The following ERICH1 variants were observed in gnomAD, a reference collection of about 807,000 sequenced individuals.
ERICH1 encodes the protein glutamate rich 1, also known as glutamate-rich protein 1.
Under a neutral mutation model 39.6 loss-of-function variants are expected in ERICH1, and 56 were observed. The observed-to-expected ratio is 1.41, with a 90% CI of 1.14 to 1.77. The LOEUF (loss-of-function observed/expected upper bound fraction) is 1.77, where lower values mean the gene tolerates loss of function less well. ERICH1 is among the 40% of genes most tolerant of loss of function. The pLI, the probability that ERICH1 is intolerant of heterozygous loss-of-function variation, is 0.00. For synonymous variants in ERICH1, 313 were observed against 223.6 expected (o/e 1.40, Z -3.57); for missense variants, 826 against 575.4 (o/e 1.44, Z -4.45).
At chr8:618,592 G>A (rs1302706377) in intron 3 of ERICH1, among the ~76,000 whole-genome samples, 1 of 152,168 alleles carries the variant, frequency 6.6e-6, no homozygotes, top group Non-Finnish European at 1.5e-5. Context: ...GAGACCTTGG[G>A]CAACATTACC....
At chr8:692,341 G>A (rs1201030340) in intron 3 of ERICH1, 137 bp downstream of exon 3, 1 of 1,255,578 alleles carries the variant, frequency 8.0e-7, no homozygotes, top group African/African-American at 1.5e-5. Context: ...ACACCATGTG[G>A]TTCATTATAC....
At chr8:726,926 C>T (rs1323541613) in intron 1 of ERICH1, among the ~76,000 whole-genome samples, 1 of 149,488 alleles carries the variant, frequency 6.7e-6, no homozygotes, top group Admixed American at 6.6e-5. Context: ...AGACCACATG[C>T]AAAACACACA....
In ERICH1 at chr8:731,171, T is replaced by C. The variant is rs760136283; in HGVS notation, c.-10A>G. ...TCCTGTGCGCCGCCATGCGGGACCC[T>C]GCCGCGGACCTCAGACCACGGCGCG... is the stretch of plus-strand genomic sequence containing the variant. On this transcript the variant is annotated 5_prime_UTR_variant, in exon 1 of 6. Coordinates refer to ENST00000262109, the MANE Select transcript of ERICH1 (RefSeq NM_207332.3). 139 of 1,506,194 alleles carry C rather than the reference T, an allele frequency of 9.2e-5. No homozygotes were observed. Among genetic ancestry groups the C allele is most frequent in the Non-Finnish European group, 1.1e-4 (126 of 1,129,612 alleles). The allele number at this position is 1,506,194 out of a possible 1,614,324, so 93.3% of individuals were successfully genotyped here.
At chr8:654,728 T>C (rs1294652748) in intron 3 of ERICH1, among the ~76,000 whole-genome samples, 1 of 152,128 alleles carries the variant, frequency 6.6e-6, no homozygotes, top group African/African-American at 2.4e-5. Flanking sequence ...GCCATGGAGA[T>C]GTCCCCACAA....
intron 3 of ERICH1, among the ~76,000 whole-genome samples, chr8:616,960 C>G (rs1037965514): frequency 1.0e-4 from 1 of 9,944 alleles, no homozygotes; most frequent in Non-Finnish European, 1.4e-4. Context: ...GAGACAGAGA[C>G]ACACAGAGAG....
At chr8:691,981 T>C (rs1442501203) in intron 3 of ERICH1, among the ~76,000 whole-genome samples, 1 of 152,226 alleles carries the variant, frequency 6.6e-6, no homozygotes, top group East Asian at 1.9e-4. Context: ...AAGAGAATAT[T>C]GTATATTCTT....
chr8:719,271 G>A (rs149064837), intron 1 of ERICH1, among the ~76,000 whole-genome samples: 5 of 152,298 alleles, frequency 3.3e-5, no homozygotes, highest in East Asian at 3.9e-4. Flanking sequence ...ACCAGGCTCC[G>A]ATCCTGCCCC....
At chr8:724,648 T>C (rs767784049) in intron 1 of ERICH1, among the ~76,000 whole-genome samples, 3 of 152,140 alleles carry the variant, frequency 2.0e-5, no homozygotes, top group Non-Finnish European at 4.4e-5. Flanking sequence ...TTTATGAAAA[T>C]CAGGAGACAC....
chr8:720,785 G>C (rs994090424), intron 1 of ERICH1, among the ~76,000 whole-genome samples: 3 of 152,150 alleles, frequency 2.0e-5, no homozygotes, highest in African/African-American at 7.2e-5. Context: ...ATGTTGCATG[G>C]GTGTTCTAGA....
intron 3 of ERICH1, among the ~76,000 whole-genome samples, chr8:651,687 G>A (rs1246607091): frequency 7.1e-6 from 1 of 140,248 alleles, no homozygotes; most frequent in Non-Finnish European, 1.6e-5. Context: ...TGGGGGAGAA[G>A]ACTGAGGGGA....
At chr8:710,840 A>G (rs1814567558) in intron 2 of ERICH1, among the ~76,000 whole-genome samples, 1 of 152,216 alleles carries the variant, frequency 6.6e-6, no homozygotes, top group Non-Finnish European at 1.5e-5. Context: ...ATAAACATCC[A>G]TGTGCAGGTT....
intron 1 of ERICH1, among the ~76,000 whole-genome samples, chr8:717,281 G>T (rs1251031379): frequency 2.8e-4 from 42 of 152,172 alleles, no homozygotes; most frequent in Non-Finnish European, 2.9e-5. Flanking sequence ...GCTATATTTT[G>T]AATATGATGC....
chr8:684,482 T>C (rs544708272), intron 3 of ERICH1, among the ~76,000 whole-genome samples: 4 of 152,334 alleles, frequency 2.6e-5, no homozygotes, highest in South Asian at 4.1e-4. Context: ...ATATTCTTCA[T>C]TGACTTGGAC....
rs141329384 is a variant in ERICH1, at chr8:707,322, G to A, written c.169+8539C>T. 2.2e-3 allele frequency among the ~76,000 whole-genome samples: 339 copies of A among 150,870 alleles called. 2 individuals are homozygous for A. Among genetic ancestry groups the A allele is most frequent in the African/African-American group, 7.9e-3 (324 of 41,080 alleles). ...TCCCGGGTTCAAGCGACTCTACTGC[G>A]TCAGCCTCCCAGGTAGCTGGGACTA... On this transcript the variant is annotated intron_variant, in intron 2 of 5. Transcript: ENST00000262109.
chr8:680,733 C>CA (rs1310775775), intron 3 of ERICH1, among the ~76,000 whole-genome samples: 4 of 152,260 alleles, frequency 2.6e-5, no homozygotes, highest in Non-Finnish European at 5.9e-5. Flanking sequence ...ATGCAGTGGT[C>CA]ACCACTCAGG....
chr8:695,999 C>T (rs1305190304), intron 2 of ERICH1, among the ~76,000 whole-genome samples: 1 of 31,734 alleles, frequency 3.2e-5, no homozygotes, highest in Non-Finnish European at 6.1e-5. Context: ...TCCCCATCAG[C>T]CTGCGCCTGT....
chr8:665,834 C>A (rs1009252274), intron 5 of ERICH1, among the ~76,000 whole-genome samples: 4 of 152,334 alleles, frequency 2.6e-5, no homozygotes, highest in South Asian at 2.1e-4. Context: ...AACACCCACA[C>A]CTGCTTCTCA....
chr8:727,211 C>G (rs190947389), intron 1 of ERICH1, among the ~76,000 whole-genome samples: 116 of 152,230 alleles, frequency 7.6e-4, no homozygotes, highest in African/African-American at 2.7e-3. Flanking sequence ...GACACGTGCA[C>G]ACATAGGAAC....
intron 2 of ERICH1, among the ~76,000 whole-genome samples, chr8:704,068 A>T (rs751101920): frequency 7.2e-5 from 11 of 152,198 alleles, no homozygotes; most frequent in Non-Finnish European, 1.6e-4. Flanking sequence ...TCACAGCGAC[A>T]CTGGATGTTA....
Sources: gnomAD v4.1 joint callset for allele counts (sites outside exome capture counted in the v4.1 genomes callset) on GRCh38, gnomAD v4.1.1 for gene constraint, MANE v1.5 for transcripts, NCBI Gene and HGNC (gene_info 2026-07-23, HGNC 2026-07-21) for gene names.